CTIF: variants seen among roughly 807,000 people sequenced by gnomAD.
The protein encoded by CTIF is cap binding complex dependent translation initiation factor, also known as CBP80/20-dependent translation initiation factor.
A neutral mutation model predicts 66.0 loss-of-function variants in CTIF; 21 were observed. The observed-to-expected ratio is 0.32, with a 90% CI of 0.23 to 0.46. The LOEUF is 0.46. Ranked by LOEUF, CTIF falls within the 20% of genes least tolerant of loss-of-function variation. CTIF has a pLI of 1.00. For missense variants in CTIF, 739 were observed against 812.7 expected (o/e 0.91, Z 1.10); for synonymous variants, 345 against 326.4 (o/e 1.06, Z -0.62).
intron 1 of CTIF, among the ~76,000 whole-genome samples, chr18:48,545,183 G>T (rs73956002): frequency 6.6e-6 from 1 of 152,208 alleles, no homozygotes; most frequent in Non-Finnish European, 1.5e-5. Context: ...GGAAGGAACC[G>T]CAAGCAGTGA....
intron 10 of CTIF, among the ~76,000 whole-genome samples, chr18:48,846,045 A>G (rs896431065): frequency 6.6e-6 from 1 of 152,224 alleles, no homozygotes; most frequent in South Asian, 2.1e-4. Flanking sequence ...AGGTATTACT[A>G]TGCTACTCTC....
intron 9 of CTIF, among the ~76,000 whole-genome samples, chr18:48,767,895 T>C (rs1003001096): frequency 6.6e-6 from 1 of 152,204 alleles, no homozygotes; most frequent in Admixed American, 6.5e-5. Context: ...GGAATGACTT[T>C]AGCACAGAAG....
intron 2 of CTIF, among the ~76,000 whole-genome samples, chr18:48,633,006 G>A (rs917878079): frequency 3.1e-5 from 1 of 31,986 alleles, no homozygotes; most frequent in African/African-American, 4.8e-5. Context: ...TGTGCACGAA[G>A]CCTCAGGGTC....
chr18:48,725,534 C>A (rs977478521), intron 7 of CTIF, among the ~76,000 whole-genome samples: 14 of 152,136 alleles, frequency 9.2e-5, no homozygotes, highest in African/African-American at 3.1e-4. Context: ...CCCACCACCC[C>A]CTTAGGGTGA....
At chr18:48,715,335 T>C (rs184087806) in intron 7 of CTIF, among the ~76,000 whole-genome samples, 2 of 152,362 alleles carry the variant, frequency 1.3e-5, no homozygotes, top group Admixed American at 1.3e-4. Context: ...ACCACTTGTT[T>C]GTTTTTGGAA....
intron 5 of CTIF, among the ~76,000 whole-genome samples, chr18:48,665,888 G>T (rs981635354): frequency 6.6e-6 from 1 of 152,080 alleles, no homozygotes; most frequent in South Asian, 2.1e-4. Context: ...ATCCTTACTT[G>T]AGTCATCTCC....
At chr18:48,755,409 C>T (rs568756112) in intron 7 of CTIF, among the ~76,000 whole-genome samples, 1 of 152,246 alleles carries the variant, frequency 6.6e-6, no homozygotes, top group South Asian at 2.1e-4. Context: ...CAGCCCTCCC[C>T]GCTGACTCAG....
intron 3 of CTIF, among the ~76,000 whole-genome samples, chr18:48,651,481 G>A (rs191335403): frequency 6.6e-6 from 1 of 151,194 alleles, no homozygotes; most frequent in Non-Finnish European, 1.5e-5. Flanking sequence ...GGAGCACACA[G>A]TAGACTCCCA....
chr18:48,747,529 G>T (rs1306894467), intron 7 of CTIF, among the ~76,000 whole-genome samples: 2 of 152,134 alleles, frequency 1.3e-5, no homozygotes, highest in Non-Finnish European at 2.9e-5. Context: ...TGGAGTCCTG[G>T]GGTCACTACT....
intron 1 of CTIF, among the ~76,000 whole-genome samples, chr18:48,587,266 G>C (rs1359110053): frequency 6.6e-6 from 1 of 151,134 alleles, no homozygotes; most frequent in African/African-American, 2.4e-5. Context: ...ATTTTTAGTA[G>C]AGATGGGGTT....
intron 7 of CTIF, among the ~76,000 whole-genome samples, chr18:48,728,871 G>GGGACTAAACAA (rs1296585744): frequency 6.6e-6 from 1 of 152,202 alleles, no homozygotes; most frequent in Non-Finnish European, 1.5e-5. Context: ...GATGTGGCAA[G>GGGACTAAACAA]GGACTAAACA....
At chr18:48,828,501 C>T (rs1011431748) in intron 10 of CTIF, among the ~76,000 whole-genome samples, 1 of 152,182 alleles carries the variant, frequency 6.6e-6, no homozygotes, top group African/African-American at 2.4e-5. Context: ...AGTTCCCTCC[C>T]GGGGAGTCCT....
intron 9 of CTIF, among the ~76,000 whole-genome samples, chr18:48,783,172 T>G (rs1214401662): frequency 6.6e-6 from 1 of 152,148 alleles, no homozygotes; most frequent in Non-Finnish European, 1.5e-5. Flanking sequence ...CAGGGTCCCA[T>G]GTAGGCCACC....
At chr18:48,669,591 C>T (rs1568120342) in intron 5 of CTIF, among the ~76,000 whole-genome samples, 1 of 151,626 alleles carries the variant, frequency 6.6e-6, no homozygotes, top group Admixed American at 6.6e-5. Flanking sequence ...TAAACAACAG[C>T]AACAATATTA....
intron 10 of CTIF, among the ~76,000 whole-genome samples, chr18:48,838,269 T>C (rs1183768403): frequency 1.3e-5 from 2 of 152,172 alleles, no homozygotes; most frequent in African/African-American, 2.4e-5. Context: ...TAGACTCACA[T>C]AGGAGCTGGA....
intron 9 of CTIF, among the ~76,000 whole-genome samples, chr18:48,762,700 A>T (rs1281205508): frequency 6.6e-6 from 1 of 152,240 alleles, no homozygotes; most frequent in East Asian, 1.9e-4. Context: ...GATCATCCAA[A>T]CTGCAACACT....
At position 48,761,429 on chromosome 18, in the gene CTIF, A is replaced by G; in HGVS notation, c.1111A>G (p.Lys371Glu). The part of the protein sequence containing the change: ...AVETTTPQQN[K>E]MDKLIEILNS... ...GGAGACGACCACTCCCCAGCAGAACAAGATGGACAAGCTGATCGAGATCCT... is the reference window on the plus strand; with the variant it reads ...GGAGACGACCACTCCCCAGCAGAACGAGATGGACAAGCTGATCGAGATCCT... The change falls in exon 9 of 12, where the codon AAG becomes GAG. Residue 371 changes from lysine (K) to glutamate (E), a missense_variant. Transcript: ENST00000256413. This position sits in a 1 kb window ranked among gnomAD's most constrained non-coding sequence, Gnocchi z 4.2. 3 of 1,614,080 alleles carry G rather than the reference A, an allele frequency of 1.9e-6. No homozygotes were observed. The highest frequency in any genetic ancestry group is 2.5e-6 in the Non-Finnish European group (3 of 1,180,046).
chr18:48,720,900 C>T (rs1161153017), intron 7 of CTIF, among the ~76,000 whole-genome samples: 1 of 152,198 alleles, frequency 6.6e-6, no homozygotes, highest in African/African-American at 2.4e-5. Flanking sequence ...TCCCCCGATC[C>T]CCATGCTCAG....
At chr18:48,693,254 GC>G (rs1408724802) in intron 6 of CTIF, among the ~76,000 whole-genome samples, 1 of 152,146 alleles carries the variant, frequency 6.6e-6, no homozygotes. Context: ...CATGTTTTTG[GC>G]CCTTTCCCAC....
Sources: gnomAD v4.1 joint callset for allele counts (sites outside exome capture counted in the v4.1 genomes callset) on GRCh38, gnomAD v4.1.1 for gene constraint, Gnocchi (gnomAD v3.1) non-coding constraint, MANE v1.5 for transcripts, NCBI Gene and HGNC (gene_info 2026-07-23, HGNC 2026-07-21) for gene names.